CDH19: variants seen among roughly 807,000 people sequenced by gnomAD.
CDH19 encodes cadherin-19.
A neutral mutation model predicts 64.2 loss-of-function variants in CDH19; 67 were observed. That is an observed-to-expected ratio of 1.04 (90% confidence interval 0.86 to 1.28). CDH19 has a LOEUF of 1.28. CDH19 is among the 50% of genes most tolerant of loss of function. CDH19 has a pLI of 0.00. For missense variants in CDH19, 1,030 were observed against 929.0 expected (o/e 1.11, Z -1.41); for synonymous variants, 346 against 319.3 (o/e 1.08, Z -0.89).
intron 2 of CDH19, among the ~76,000 whole-genome samples, chr18:66,571,339 T>G (rs749359349): frequency 4.0e-5 from 6 of 151,646 alleles, no homozygotes; most frequent in Non-Finnish European, 8.9e-5. Flanking sequence ...TAGTGCCAGT[T>G]AATTAGCGGT....
intron 11 of CDH19, among the ~76,000 whole-genome samples, chr18:66,506,352 T>C (rs1487173077): frequency 6.6e-6 from 1 of 151,932 alleles, no homozygotes; most frequent in African/African-American, 2.4e-5. Context: ...ATGTTTTCAG[T>C]CACAAATATG....
At chr18:66,568,854 A>G (rs1988008962) in intron 2 of CDH19, 144 bp from the exon 3 acceptor site, 1 of 638,390 alleles carries the variant, frequency 1.6e-6, no homozygotes, top group Non-Finnish European at 2.6e-6. Flanking sequence ...GAGGCAAAAT[A>G]TTAATATCAA....
intron 1 of CDH19, among the ~76,000 whole-genome samples, chr18:66,594,323 T>C (rs897529714): frequency 6.6e-6 from 1 of 152,032 alleles, no homozygotes; most frequent in African/African-American, 2.4e-5. Context: ...TTGGGAGACT[T>C]TAACACCCCA....
intron 1 of CDH19, among the ~76,000 whole-genome samples, chr18:66,582,142 C>T (rs1033425331): frequency 6.6e-5 from 10 of 152,054 alleles, no homozygotes; most frequent in African/African-American, 1.4e-4. Context: ...TACATTTTAA[C>T]GTTTGGACCA....
In CDH19 at chr18:66,559,544, ATAAT is replaced by A. The variant is rs555541295; in HGVS notation, c.491-5024_491-5021del. On this transcript the variant is annotated intron_variant, in intron 3 of 11. Coordinates refer to ENST00000262150, the MANE Select transcript of CDH19 (RefSeq NM_021153.4). ...ATTGGAAAAGAATAAATAAAACTAA[ATAAT>A]TAAAGTTAATAATATTTTCTGCTAG... is the stretch of plus-strand genomic sequence containing the variant. Among the ~76,000 whole-genome samples, 570 of 151,900 alleles carry A rather than the reference ATAAT, an allele frequency of 3.8e-3. 1 individual carries two copies. Among genetic ancestry groups the A allele is most frequent in the Non-Finnish European group, 6.1e-3 (414 of 67,906 alleles).
Position 66,551,183 on chromosome 18 carries a change from A to C in CDH19, c.686T>G (p.Met229Arg), listed in dbSNP as rs972181416. 6.2e-7 allele frequency: 1 copy of C among 1,602,894 alleles called. No individual in the cohort carries two copies. Among genetic ancestry groups the C allele is most frequent in the Non-Finnish European group, 8.5e-7 (1 of 1,170,244 alleles). Reference protein sequence around the residue: ...EYWVIIQAKDMIGQPGALSGT... With the variant: ...EYWVIIQAKDRIGQPGALSGT... ...AGACAACGCTCCTGGCTGACCAATC[A>C]TGTCCTTGGCTTGAATGATTACCCA... is the stretch of plus-strand genomic sequence containing the variant. Residue 229 changes from methionine (M) to arginine (R), a missense_variant, in exon 5 of 12, where the codon ATG (methionine) becomes AGG (arginine). Transcript: ENST00000262150.
chr18:66,529,254 G>GA (rs780976220), intron 9 of CDH19, among the ~76,000 whole-genome samples: 3 of 150,306 alleles, frequency 2.0e-5, no homozygotes, highest in Admixed American at 2.0e-4. Flanking sequence ...TAAACGCTAC[G>GA]AAAAAACATT....
chr18:66,543,360 A>T (rs1986968606), intron 7 of CDH19, among the ~76,000 whole-genome samples: 1 of 152,026 alleles, frequency 6.6e-6, no homozygotes, highest in South Asian at 2.1e-4. Flanking sequence ...GCTTTGTTTC[A>T]GCTCTAATTG....
intron 9 of CDH19, among the ~76,000 whole-genome samples, chr18:66,512,253 C>T (rs1043019261): frequency 4.0e-5 from 6 of 151,536 alleles, no homozygotes; most frequent in Non-Finnish European, 8.9e-5. Flanking sequence ...CAAATAAGTT[C>T]ATCTCTATAT....
intron 7 of CDH19, among the ~76,000 whole-genome samples, chr18:66,536,334 A>G (rs1316851745): frequency 6.6e-6 from 1 of 151,758 alleles, no homozygotes; most frequent in Non-Finnish European, 1.5e-5. Flanking sequence ...ATCACGAGGA[A>G]TTAAGCTTTA....
intron 1 of CDH19, among the ~76,000 whole-genome samples, chr18:66,596,672 T>A (rs1275522985): frequency 6.6e-6 from 1 of 152,062 alleles, no homozygotes; most frequent in Non-Finnish European, 1.5e-5. Flanking sequence ...GAAAAAACAT[T>A]CCATGCTCAT....
At chr18:66,544,989 G>GT (rs1425333608) in intron 5 of CDH19, 86 bp from the exon 6 acceptor site, 2 of 1,044,858 alleles carry the variant, frequency 1.9e-6, no homozygotes, top group Non-Finnish European at 2.7e-6. Context: ...TTGTTTGTTT[G>GT]TTTTTTCGAG....
In CDH19 at chr18:66,591,902, T is replaced by C. The variant is rs147545631; in HGVS notation, c.-113+12052A>G. Among the ~76,000 whole-genome samples, 3 of 151,922 alleles carry C rather than the reference T, an allele frequency of 2.0e-5. No individual in the cohort carries two copies. The East Asian group carries it at 5.8e-4, about 29-fold the overall frequency. ...ACAAAACAGTCTAAGCAATCCATAT[T>C]TATCTCTTTTCTAATCTCCAGACCT... On this transcript the variant is annotated intron_variant, in intron 1 of 11. Coordinates refer to ENST00000262150, the MANE Select transcript of CDH19 (RefSeq NM_021153.4).
Position 66,511,558 on chromosome 18 carries a change from A to G in CDH19, c.1576+10T>C, listed in dbSNP as rs1985486237. 1.8e-6 allele frequency: 2 copies of G among 1,095,498 alleles called. No homozygotes were observed. The highest frequency in any genetic ancestry group is 2.8e-6 in the Non-Finnish European group (2 of 717,284). 67.9% of individuals were successfully genotyped at this position (1,095,498 alleles called of 1,614,324 possible). A position where few individuals can be genotyped will look rare whatever the true frequency, so the allele number is the denominator to read the frequency against. On this transcript the variant is annotated intron_variant, in intron 10 of 11. Transcript: ENST00000262150. Reference sequence around the variant, plus strand: ...ATGTATCAAAACTCATTATGAGTGAATGACATTACCTTGATTATCTATGAT... The same window carrying G: ...ATGTATCAAAACTCATTATGAGTGAGTGACATTACCTTGATTATCTATGAT...
At chr18:66,512,570 G>A (rs545459978) in intron 9 of CDH19, among the ~76,000 whole-genome samples, 10 of 151,400 alleles carry the variant, frequency 6.6e-5, no homozygotes, top group Middle Eastern at 3.4e-3. Context: ...CATCTTCACA[G>A]GCATAAAGAA....
At chr18:66,519,721 A>T (rs1985897344) in intron 9 of CDH19, among the ~76,000 whole-genome samples, 1 of 152,206 alleles carries the variant, frequency 6.6e-6, no homozygotes, top group African/African-American at 2.4e-5. Flanking sequence ...GGGACAAAAC[A>T]AAACCTAACA....
At chr18:66,518,090 C>A (rs1179427803) in intron 9 of CDH19, among the ~76,000 whole-genome samples, 1 of 151,560 alleles carries the variant, frequency 6.6e-6, no homozygotes, top group African/African-American at 2.4e-5. Flanking sequence ...ATTATATTAC[C>A]CTATCAGTTT....
chr18:66,573,804 A>G (rs2144585747), intron 1 of CDH19, among the ~76,000 whole-genome samples: 1 of 151,418 alleles, frequency 6.6e-6, no homozygotes, highest in South Asian at 2.1e-4. Flanking sequence ...GTAATTACCA[A>G]CACATGGTCA....
intron 9 of CDH19, among the ~76,000 whole-genome samples, chr18:66,520,341 G>GT (rs368834150): frequency 0.033 from 4,382 of 132,910 alleles, 177 homozygotes; most frequent in East Asian, 0.13. Flanking sequence ...GAAAATAGCT[G>GT]TTTTTTTTTT....
Sources: allele counts gnomAD v4.1 joint callset (sites outside exome capture counted in the v4.1 genomes callset), GRCh38; gene constraint gnomAD v4.1.1; transcripts MANE v1.5; gene names NCBI Gene and HGNC (gene_info 2026-07-23, HGNC 2026-07-21).